Variants in LRFN2 observed in about 807,000 individuals in gnomAD.
LRFN2 encodes the protein leucine-rich repeat and fibronectin type-III domain-containing protein 2.
In LRFN2, 18 loss-of-function variants were observed where a neutral mutation model predicts 37.3. The ratio of observed to expected loss-of-function variants is 0.48; its 90% confidence interval spans 0.33 to 0.72. LRFN2 has a LOEUF of 0.72. LRFN2 is among the 30% of genes least tolerant of loss of function. LRFN2 has a pLI of 0.02. For missense variants in LRFN2, 1,006 were observed against 1,060.7 expected, an observed-to-expected ratio of 0.95 and a Z score of 0.72; for synonymous variants, 556 against 466.6, an observed-to-expected ratio of 1.19 and a Z score of -2.47.
At chr6:40,522,581 T>C (rs1766113223) in intron 1 of LRFN2, among the ~76,000 whole-genome samples, 1 of 152,082 alleles carries the variant, frequency 6.6e-6, no homozygotes, top group African/African-American at 2.4e-5. Flanking sequence ...TGACCAGCTT[T>C]CCCAAAGGTA....
intron 1 of LRFN2, among the ~76,000 whole-genome samples, chr6:40,492,436 G>T (rs1765115909): frequency 6.6e-6 from 1 of 152,228 alleles, no homozygotes; most frequent in Non-Finnish European, 1.5e-5. Context: ...AACCTGCCAG[G>T]TTAAATCAGA....
chr6:40,447,481 A>T (rs78344732), intron 1 of LRFN2, among the ~76,000 whole-genome samples: 2,324 of 152,220 alleles, frequency 0.015, 29 homozygotes, highest in Non-Finnish European at 0.025. Flanking sequence ...CTAAATGGGG[A>T]CCTGAGTTTA....
intron 1 of LRFN2, among the ~76,000 whole-genome samples, chr6:40,525,752 G>A (rs1005603868): frequency 1.3e-5 from 2 of 151,966 alleles, no homozygotes; most frequent in East Asian, 1.9e-4. Context: ...AGGAAGCCTC[G>A]CTGCTCCAGC....
At position 40,432,106 on chromosome 6, in the gene LRFN2, G is replaced by T. The variant is rs140038634; in HGVS notation, c.1008C>A (p.Thr336=). ...DDRLVGNSSR[T]AVYDNGTLDI... ...CCAGGGTGCCATTGTCATAGACAGC[G>T]GTCCTTGAGGAGTTCCCTACCAGGC... The change falls in exon 2 of 3, where the codon ACC becomes ACA. Residue 336 remains threonine, a synonymous_variant. Coordinates refer to ENST00000338305, the MANE Select transcript of LRFN2 (RefSeq NM_020737.3). The T allele has an allele frequency of 1.2e-6, 2 of 1,613,880 alleles. No individual in the cohort carries two copies. The highest frequency in any genetic ancestry group is 1.7e-6 in the Non-Finnish European group (2 of 1,179,924).
chr6:40,532,915 T>A (rs1766373550), intron 1 of LRFN2, among the ~76,000 whole-genome samples: 1 of 152,198 alleles, frequency 6.6e-6, no homozygotes, highest in African/African-American at 2.4e-5. Flanking sequence ...TCAGGCTTCA[T>A]CACATCCGTA....
At chr6:40,509,074 C>A (rs559539175) in intron 1 of LRFN2, among the ~76,000 whole-genome samples, 99 of 152,328 alleles carry the variant, frequency 6.5e-4, no homozygotes, top group African/African-American at 2.3e-3. Flanking sequence ...ATTATTCACT[C>A]ATGCACCCAT....
intron 1 of LRFN2, among the ~76,000 whole-genome samples, chr6:40,511,640 C>A (rs772672557): frequency 6.6e-6 from 1 of 152,050 alleles, no homozygotes; most frequent in Non-Finnish European, 1.5e-5. Context: ...TGAAAGGAGG[C>A]ACGAGGGGTG....
At chr6:40,490,406 A>G (rs991018365) in intron 1 of LRFN2, among the ~76,000 whole-genome samples, 1 of 152,166 alleles carries the variant, frequency 6.6e-6, no homozygotes, top group African/African-American at 2.4e-5. Context: ...AAGGGCTGCC[A>G]TTCTGAAGCT....
intron 1 of LRFN2, among the ~76,000 whole-genome samples, chr6:40,443,588 A>C (rs1424500260): frequency 6.6e-6 from 1 of 152,170 alleles, no homozygotes; most frequent in Non-Finnish European, 1.5e-5. Context: ...TGCAAAAGGC[A>C]AATGGAGCAG....
At chr6:40,437,321 T>C (rs1763707458) in intron 1 of LRFN2, among the ~76,000 whole-genome samples, 1 of 152,122 alleles carries the variant, frequency 6.6e-6, no homozygotes, top group Non-Finnish European at 1.5e-5. Context: ...CCGCCATCCT[T>C]TGTGCCCTTC....
intron 1 of LRFN2, among the ~76,000 whole-genome samples, chr6:40,445,159 C>T (rs1483216963): frequency 6.6e-6 from 1 of 152,210 alleles, no homozygotes; most frequent in African/African-American, 2.4e-5. Flanking sequence ...AGCTTACAAA[C>T]ATATACCTGG....
intron 2 of LRFN2, among the ~76,000 whole-genome samples, chr6:40,420,154 T>C (rs1174736061): frequency 6.6e-6 from 1 of 152,236 alleles, no homozygotes; most frequent in African/African-American, 2.4e-5. Flanking sequence ...GAAATAGCTC[T>C]CTTTTGTAAA....
At position 40,500,077 on chromosome 6, in the gene LRFN2, G is replaced by C. The variant is rs114706601; in HGVS notation, c.-18-66946C>G. 1.7e-3 allele frequency among the ~76,000 whole-genome samples: 259 copies of C among 152,326 alleles called. 2 individuals carry two copies. The highest frequency in any genetic ancestry group is 5.8e-3 in the African/African-American group (243 of 41,580). On this transcript the variant is annotated intron_variant, in intron 1 of 2. Transcript: ENST00000338305. ...TGCCTGTGGGATGGATGCCCAGCAC[G>C]AAAGCCCTCTTAGCCTCCACGACTG...
intron 1 of LRFN2, among the ~76,000 whole-genome samples, chr6:40,464,442 G>T (rs1040958319): frequency 6.6e-6 from 1 of 152,170 alleles, no homozygotes; most frequent in Non-Finnish European, 1.5e-5. Context: ...AGAATTAGTT[G>T]TCCACTCCCC....
chr6:40,521,061 G>A (rs1311659406), intron 1 of LRFN2, among the ~76,000 whole-genome samples: 3 of 152,194 alleles, frequency 2.0e-5, no homozygotes, highest in Admixed American at 6.5e-5. Context: ...ATGGGGCCGC[G>A]TCGCTAGAGA....
At chr6:40,585,525 G>A (rs1221459175) in intron 1 of LRFN2, among the ~76,000 whole-genome samples, 1 of 152,116 alleles carries the variant, frequency 6.6e-6, no homozygotes, top group African/African-American at 2.4e-5. Context: ...TCAGGGCTCT[G>A]CTGTGTGTGG....
Position 40,431,858 on chromosome 6 carries a change from T to C in LRFN2, c.1256A>G (p.Lys419Arg). Reference protein sequence around the residue: ...GGGSGGGEPPKSPPERAVLVS... With the variant: ...GGGSGGGEPPRSPPERAVLVS... ...AAGCACAGCCCGTTCCGGGGGGCTT[T>C]TGGGAGGCTCTCCGCCCCCACTGCC... is the stretch of plus-strand genomic sequence containing the variant. Residue 419 changes from lysine to arginine, a missense_variant, in exon 2 of 3, where the codon AAA becomes AGA. By Grantham distance (26) the Lys-to-Arg change is conservative (BLOSUM62 2). Transcript: ENST00000338305. The C allele has an allele frequency of 6.3e-7, 1 of 1,591,386 alleles. No homozygotes were observed. The highest frequency in any genetic ancestry group is 8.6e-7 in the Non-Finnish European group (1 of 1,167,178).
At chr6:40,451,185 T>C (rs1764096184) in intron 1 of LRFN2, among the ~76,000 whole-genome samples, 1 of 152,234 alleles carries the variant, frequency 6.6e-6, no homozygotes. Flanking sequence ...GTATGCCACA[T>C]TTTTTGTGAT....
intron 1 of LRFN2, among the ~76,000 whole-genome samples, chr6:40,443,734 T>C (rs2113836167): frequency 6.6e-6 from 1 of 152,214 alleles, no homozygotes; most frequent in African/African-American, 2.4e-5. Flanking sequence ...TGAAGGATGT[T>C]TGATGAAGGG....
Sources: allele counts gnomAD v4.1 joint callset (sites outside exome capture counted in the v4.1 genomes callset), GRCh38; gene constraint gnomAD v4.1.1; transcripts MANE v1.5; gene names NCBI Gene and HGNC (gene_info 2026-07-23, HGNC 2026-07-21).